The following CRTAC1 variants were observed in gnomAD, a reference collection of about 807,000 sequenced individuals.
CRTAC1 encodes cartilage acidic protein 1.
CRTAC1 carries 37 observed loss-of-function variants against 67.8 expected under a neutral mutation model. That is an observed-to-expected ratio of 0.55 (90% CI 0.42 to 0.72). CRTAC1 has a LOEUF of 0.72. Ranked by LOEUF, CRTAC1 falls within the 30% of genes least tolerant of loss-of-function variation. CRTAC1 has a pLI of 0.00. For synonymous variants in CRTAC1, 348 were observed against 371.0 expected (o/e 0.94, Z 0.71); for missense variants, 780 against 931.6 (o/e 0.84, Z 2.12).
At chr10:97,995,994 A>G (rs1327143318) in intron 2 of CRTAC1, among the ~76,000 whole-genome samples, 1 of 152,208 alleles carries the variant, frequency 6.6e-6, no homozygotes, top group East Asian at 1.9e-4. Flanking sequence ...CCCCGTCTCT[A>G]CTAAACATAC....
chr10:97,891,243 A>G (rs1379285440), intron 11 of CRTAC1, among the ~76,000 whole-genome samples: 5 of 152,238 alleles, frequency 3.3e-5, no homozygotes, highest in Admixed American at 3.3e-4. Context: ...TCTTTTAAAA[A>G]TAGTTTTCTT....
intron 4 of CRTAC1, among the ~76,000 whole-genome samples, chr10:97,921,593 G>A (rs1827485915): frequency 6.6e-6 from 1 of 152,200 alleles, no homozygotes. Flanking sequence ...GGCTCGGCAT[G>A]TCCCTAGTGT....
Position 97,895,811 on chromosome 10 carries a change from C to A in CRTAC1, c.1317+74G>T, listed in dbSNP as rs191639130. 5.5e-4 allele frequency: 720 copies of A among 1,304,262 alleles called. 1 individual carries two copies. Among genetic ancestry groups the A allele is most frequent in the Non-Finnish European group, 7.4e-4 (673 of 909,574 alleles). The allele number at this position is 1,304,262 out of a possible 1,614,324, so 80.8% of individuals were successfully genotyped here. On this transcript the variant is annotated intron_variant, in intron 10 of 14. Coordinates refer to ENST00000370597, the MANE Select transcript of CRTAC1 (RefSeq NM_018058.7). The surrounding 1 kb of genome is among the most constrained non-coding windows in gnomAD (Gnocchi z 4.2). ...TGCTGGCCAAGCCAGCACCCCGGCACCTTGCCCTCACCAACTCAAGGTACC... is the reference window on the plus strand; with the variant it reads ...TGCTGGCCAAGCCAGCACCCCGGCAACTTGCCCTCACCAACTCAAGGTACC...
chr10:97,912,044 G>C (rs1372289933), intron 5 of CRTAC1, among the ~76,000 whole-genome samples: 1 of 152,160 alleles, frequency 6.6e-6, no homozygotes, highest in African/African-American at 2.4e-5. Flanking sequence ...AGTTTGAGCT[G>C]TGTGACCTTG....
chr10:97,865,671 G>A lies in CRTAC1; in HGVS notation c.1863C>T (p.Thr621=), dbSNP rs759330644. The A allele has an allele frequency of 6.8e-6, 11 of 1,607,450 alleles. No homozygotes were observed. Among genetic ancestry groups the A allele is most frequent in the Non-Finnish European group, 4.2e-6 (5 of 1,177,028 alleles). The change falls in exon 15 of 15, where the codon ACC becomes ACT. Residue 621 remains threonine, a synonymous_variant. Coordinates refer to ENST00000370597, the MANE Select transcript of CRTAC1 (RefSeq NM_018058.7). ...CAGCAGCGGCAGTGGCAGCAGCAGC[G>A]GTGGGGGTGGTGGGGCGGGGGCCCG... is the stretch of plus-strand genomic sequence containing the variant. ...QSPGPRPTTP[T]AAAATAAAAA... is the part of the protein sequence containing the mutation.
intron 2 of CRTAC1, among the ~76,000 whole-genome samples, chr10:97,947,029 C>CTATA (rs1281806878): frequency 6.6e-6 from 1 of 152,214 alleles, no homozygotes; most frequent in Non-Finnish European, 1.5e-5. Context: ...TTCCTTCATG[C>CTATA]TATAACTACC....
At chr10:97,994,721 G>T (rs1842522692) in intron 2 of CRTAC1, among the ~76,000 whole-genome samples, 1 of 152,210 alleles carries the variant, frequency 6.6e-6, no homozygotes, top group Non-Finnish European at 1.5e-5. Flanking sequence ...GAAAATTTCA[G>T]ATCAAGATAC....
intron 6 of CRTAC1, among the ~76,000 whole-genome samples, chr10:97,905,216 T>C (rs1367870234): frequency 6.6e-6 from 1 of 152,116 alleles, no homozygotes; most frequent in Non-Finnish European, 1.5e-5. Context: ...TGCCCTCCAA[T>C]CCTTTTAGGG....
intron 4 of CRTAC1, among the ~76,000 whole-genome samples, chr10:97,919,914 T>TTGTTTG (rs1554919797): frequency 1.3e-5 from 2 of 151,584 alleles, no homozygotes; most frequent in African/African-American, 4.9e-5. Flanking sequence ...TAATTTTTTT[T>TTGTTTG]TTTGTTTGTT....
intron 2 of CRTAC1, among the ~76,000 whole-genome samples, chr10:97,941,729 C>G (rs924755648): frequency 6.6e-6 from 1 of 152,216 alleles, no homozygotes; most frequent in African/African-American, 2.4e-5. Context: ...CTGCCACCAT[C>G]TCTGGGCAGA....
intron 2 of CRTAC1, 57 bp downstream of exon 2, chr10:98,011,081 C>A (rs951805899): frequency 6.7e-7 from 1 of 1,489,714 alleles, no homozygotes; most frequent in Admixed American, 1.7e-5. Context: ...TGTTACACAG[C>A]CTTATTACAG....
At position 97,917,571 on chromosome 10, in the gene CRTAC1, G is replaced by A; in HGVS notation, c.644C>T (p.Ala215Val). ...CAGAATGCCCCGGGAGAGGTCACTG[G>A]CCTCAGGGTCCATTTCAATGAGGGC... is the stretch of plus-strand genomic sequence containing the variant. Reference protein sequence around the residue: ...PDALIEMDPEASDLSRGILAL... With the variant: ...PDALIEMDPEVSDLSRGILAL... Residue 215 changes from alanine to valine, a missense_variant, in exon 5 of 15, where the codon GCC (alanine) becomes GTC (valine). Coordinates refer to ENST00000370597, the MANE Select transcript of CRTAC1 (RefSeq NM_018058.7). The A allele has an allele frequency of 6.2e-7, 1 of 1,603,648 alleles. No individual in the cohort carries two copies. Among genetic ancestry groups the A allele is most frequent in the Non-Finnish European group, 8.5e-7 (1 of 1,174,300 alleles).
intron 2 of CRTAC1, among the ~76,000 whole-genome samples, chr10:98,007,817 T>C (rs907660623): frequency 1.3e-5 from 2 of 152,124 alleles, no homozygotes; most frequent in Non-Finnish European, 2.9e-5. Context: ...TCAGTGCAAA[T>C]GATGGTCTAG....
chr10:97,882,731 T>G (rs2050232159), intron 13 of CRTAC1, 55 bp downstream of exon 13: 3 of 1,593,582 alleles, frequency 1.9e-6, no homozygotes, highest in Non-Finnish European at 2.6e-6. Context: ...AGGCGGGCAT[T>G]CCCCAGGGAG....
chr10:97,931,922 C>G (rs1000149214), intron 3 of CRTAC1, among the ~76,000 whole-genome samples: 1 of 152,092 alleles, frequency 6.6e-6, no homozygotes, highest in African/African-American at 2.4e-5. Context: ...CTCTTGTCCC[C>G]CTGCGTCCTG....
chr10:97,938,568 G>C lies in CRTAC1; in HGVS notation c.225-2202C>G, dbSNP rs541649449. Among the ~76,000 whole-genome samples the C allele has an allele frequency of 1.9e-3, 284 of 152,212 alleles. 1 individual carries two copies. Among genetic ancestry groups the C allele is most frequent in the Middle Eastern group, 3.4e-3 (1 of 294 alleles). ...AGGGTCCAAACCCCATGTTCTTTCCGTGCTGCCTATGATGCCAGCACTCTC... is the reference window on the plus strand; with the variant it reads ...AGGGTCCAAACCCCATGTTCTTTCCCTGCTGCCTATGATGCCAGCACTCTC... On this transcript the variant is annotated intron_variant, in intron 2 of 14. Coordinates refer to ENST00000370597, the MANE Select transcript of CRTAC1 (RefSeq NM_018058.7).
At chr10:97,926,621 A>T (rs2050923630) in intron 3 of CRTAC1, among the ~76,000 whole-genome samples, 1 of 152,204 alleles carries the variant, frequency 6.6e-6, no homozygotes, top group Non-Finnish European at 1.5e-5. Flanking sequence ...ACACATTAAT[A>T]TTTCTGCAGT....
chr10:97,964,241 T>G (rs2136645475), intron 2 of CRTAC1, among the ~76,000 whole-genome samples: 1 of 152,192 alleles, frequency 6.6e-6, no homozygotes, highest in Non-Finnish European at 1.5e-5. Flanking sequence ...TGAAGTGTGG[T>G]CCTCAGATCA....
At chr10:97,977,854 T>C (rs1201991344) in intron 2 of CRTAC1, among the ~76,000 whole-genome samples, 1 of 152,214 alleles carries the variant, frequency 6.6e-6, no homozygotes. Flanking sequence ...ATCATCAGTA[T>C]GTACGGCCTG....
Sources: gnomAD v4.1 joint callset for allele counts (sites outside exome capture counted in the v4.1 genomes callset) on GRCh38, gnomAD v4.1.1 for gene constraint, Gnocchi (gnomAD v3.1) non-coding constraint, MANE v1.5 for transcripts, NCBI Gene and HGNC (gene_info 2026-07-23, HGNC 2026-07-21) for gene names.